Variants in TBR1 observed in about 807,000 individuals in gnomAD.
TBR1 encodes T-box brain protein 1.
A neutral mutation model predicts 60.3 loss-of-function variants in TBR1; 7 were observed. The ratio of observed to expected loss-of-function variants is 0.12; its 90% CI spans 0.07 to 0.22. The LOEUF (loss-of-function observed/expected upper bound fraction) is 0.22. TBR1 is among the 10% of genes least tolerant of loss of function. TBR1 has a pLI of 1.00. For synonymous variants in TBR1, 417 were observed against 409.9 expected (o/e 1.02, Z -0.21); for missense variants, 616 against 936.8 (o/e 0.66, Z 4.47).
In TBR1 at chr2:161,425,464, G is replaced by A. The variant is rs1276000595; in HGVS notation, c.*1237G>A. ...GAAACAGCTGAAATTTGACTTCCTTGGGAGAACACTAGCATTAATGCAAGT... is the reference window on the plus strand; with the variant it reads ...GAAACAGCTGAAATTTGACTTCCTTAGGAGAACACTAGCATTAATGCAAGT... On this transcript the variant is annotated 3_prime_UTR_variant, in exon 6 of 6. Transcript: ENST00000389554. 4 of 152,036 alleles carry A rather than the reference G, an allele frequency of 2.6e-5. No individual in the cohort carries two copies. Among genetic ancestry groups the A allele is most frequent in the Non-Finnish European group, 5.9e-5 (4 of 67,984 alleles). 9.4% of individuals were successfully genotyped at this position (152,036 alleles called of 1,614,324 possible). A position where few individuals can be genotyped will look rare whatever the true frequency, so the allele number is the denominator to read the frequency against.
rs1020402018 is a variant in TBR1 at position 161,423,591 on chromosome 2, G to T, written c.1413G>T (p.Gln471His). Residue 471 changes from glutamine (Q) to histidine (H), a missense_variant, in exon 6 of 6, where the codon CAG (glutamine) becomes CAT (histidine). This residue lies in a region of TBR1 where 80 missense variants were observed against 75.3 expected (regional missense o/e 1.06). Coordinates refer to ENST00000389554, the MANE Select transcript of TBR1 (RefSeq NM_006593.4). Reference sequence around the variant, plus strand: ...ACACCAACGGGCTGCTGTCGCCGCAGCAGGCCGAGGACCCGGGCGCGCCCT... The same window carrying T: ...ACACCAACGGGCTGCTGTCGCCGCATCAGGCCGAGGACCCGGGCGCGCCCT... ...VPHTNGLLSP[Q>H]QAEDPGAPSP... 1.0e-5 allele frequency: 16 copies of T among 1,537,732 alleles called. No homozygotes were observed. Among genetic ancestry groups the T allele is most frequent in the Non-Finnish European group, 1.4e-5 (16 of 1,148,282 alleles).
chr2:161,425,287 C>T lies in TBR1; in HGVS notation c.*1060C>T, dbSNP rs1439349314. 6.6e-6 allele frequency: 1 copy of T among 152,176 alleles called. No homozygotes were observed. The highest frequency in any genetic ancestry group is 1.9e-4 in the East Asian group (1 of 5,206). The allele number at this position is 152,176 out of a possible 1,614,324, so 9.4% of individuals were successfully genotyped here. A position where few individuals can be genotyped will look rare whatever the true frequency, so the allele number is the denominator to read the frequency against. ...TGAATATCTTTCAGTACCCCTTCAC[C>T]TTTATATGCTGTAAATCTTTGTAAT... On this transcript the variant is annotated 3_prime_UTR_variant, in exon 6 of 6. Transcript: ENST00000389554.
chr2:161,424,245 G>GGCCCC lies in TBR1; in HGVS notation c.*22_*26dup. ...ACAGCTAGGCCGCCCCTGCCCGCCC[G>GGCCCC]GCCCCGCCGCGGCCCGGACCCCCAG... is the stretch of plus-strand genomic sequence containing the variant. On this transcript the variant is annotated 3_prime_UTR_variant, in exon 6 of 6. Transcript: ENST00000389554. The surrounding 1 kb of genome is among the most constrained non-coding windows in gnomAD (Gnocchi z 4.4). 1 of 1,532,028 alleles carries GGCCCC rather than the reference G, an allele frequency of 6.5e-7. No individual in the cohort carries two copies. Among genetic ancestry groups the GGCCCC allele is most frequent in the African/African-American group, 1.4e-5 (1 of 73,272 alleles). 94.9% of individuals were successfully genotyped at this position (1,532,028 alleles called of 1,614,324 possible).
chr2:161,416,989 C>T lies in TBR1; in HGVS notation c.579C>T (p.Ser193=), dbSNP rs774585519. The change falls in exon 1 of 6, where the codon TCC becomes TCT. Residue 193 remains serine, a synonymous_variant. Transcript: ENST00000389554. The surrounding 1 kb of genome is among the most constrained non-coding windows in gnomAD (Gnocchi z 6.1). ...SYQGAPFYQF[S]STQPGLVPGK... ...AAGGAGCTCCGTTCTACCAGTTCTCCTCCACCCAGCCGGGGCTGGTGCCCG... is the reference window on the plus strand; with the variant it reads ...AAGGAGCTCCGTTCTACCAGTTCTCTTCCACCCAGCCGGGGCTGGTGCCCG... The T allele has an allele frequency of 3.7e-6, 6 of 1,614,214 alleles. No individual in the cohort carries two copies. The highest frequency in any genetic ancestry group is 1.7e-5 in the Admixed American group (1 of 60,032).
At chr2:161,418,833 C>A (rs1322846592) in intron 3 of TBR1, 59 bp from the exon 4 acceptor site, 14 of 1,575,932 alleles carry the variant, frequency 8.9e-6, no homozygotes, top group Non-Finnish European at 1.2e-5. Context: ...CACACAGCCA[C>A]GCGCACAGCG....
chr2:161,416,328 AG>A lies in TBR1; in HGVS notation c.-78del. On this transcript the variant is annotated 5_prime_UTR_variant, in exon 1 of 6. Coordinates refer to ENST00000389554, the MANE Select transcript of TBR1 (RefSeq NM_006593.4). This position sits in a 1 kb window ranked among gnomAD's most constrained non-coding sequence, Gnocchi z 6.1. ...TGGTTGAAGTGCTTTCTGTCTAGTG[AG>A]GGGGTCTGTGGATTTCTAGTTTATG... 9.0e-7 allele frequency: 1 copy of A among 1,115,900 alleles called. No homozygotes were observed. Among genetic ancestry groups the A allele is most frequent in the Non-Finnish European group, 1.3e-6 (1 of 777,280 alleles). 69.1% of individuals were successfully genotyped at this position (1,115,900 alleles called of 1,614,324 possible). A position where few individuals can be genotyped will look rare whatever the true frequency, so the allele number is the denominator to read the frequency against.
At chr2:161,419,179 CG>C (rs1414734085) in intron 4 of TBR1, 129 bp downstream of exon 4, 1 of 1,394,348 alleles carries the variant, frequency 7.2e-7, no homozygotes, top group African/African-American at 1.5e-5. Context: ...CTCCGCTGTG[CG>C]TTTTAAGGCT....
At chr2:161,421,089 A>C (rs1684224367) in intron 5 of TBR1, 1 of 152,292 alleles carries the variant, frequency 6.6e-6, no homozygotes, top group African/African-American at 2.4e-5. Flanking sequence ...CTCAGGGTCC[A>C]TAGTGCCTAA....
At chr2:161,421,196 GC>G (rs1244953611) in intron 5 of TBR1, 1 of 152,234 alleles carries the variant, frequency 6.6e-6, no homozygotes, top group African/African-American at 2.4e-5. Flanking sequence ...TAATTTCGTG[GC>G]TTACATTGAG....
rs202002010 is a variant in TBR1 at position 161,424,216 on chromosome 2, T to A, written c.2038T>A (p.Ser680Thr). ...KDISGYYGFY[S>T]HS is the part of the protein sequence containing the mutation. ...CATTAGCGGCTACTATGGCTTCTAC[T>A]CGCACAGCTAGGCCGCCCCTGCCCG... Residue 680 changes from serine (S) to threonine (T), a missense_variant, in exon 6 of 6, where the codon TCG (serine) becomes ACG (threonine). Around this residue, in one of 8 missense-constraint regions of TBR1, gnomAD observed 210 missense variants for 297.4 expected, o/e 0.71. Transcript: ENST00000389554. The surrounding 1 kb of genome is among the most constrained non-coding windows in gnomAD (Gnocchi z 4.4). 75 of 1,590,828 alleles carry A rather than the reference T, an allele frequency of 4.7e-5. No homozygotes were observed. The African/African-American group carries it at 8.5e-4, about 18-fold the overall frequency.
In TBR1 at chr2:161,417,566, GC is replaced by G. The variant is rs746460322; in HGVS notation, c.693-109del. The G allele has an allele frequency of 4.7e-5, 63 of 1,352,350 alleles. No individual in the cohort carries two copies. The highest frequency in any genetic ancestry group is 6.4e-5 in the Non-Finnish European group (63 of 988,482). 83.8% of individuals were successfully genotyped at this position (1,352,350 alleles called of 1,614,324 possible). On this transcript the variant is annotated intron_variant, in intron 1 of 5. Coordinates refer to ENST00000389554, the MANE Select transcript of TBR1 (RefSeq NM_006593.4). The surrounding 1 kb of genome is among the most constrained non-coding windows in gnomAD (Gnocchi z 5.3). ...TCCAGCAAATATTCGCCTATTTGCT[GC>G]AAGTACAAGTTTTGCTTTGCTAACT...
Position 161,423,770 on chromosome 2 carries a change from G to GCAC in TBR1, c.1593_1595dup (p.Thr532dup). ...GCGCTGCCGCTGCAGGCTGCAGGCT[G>GCAC]CACTGGCCGCCCGCTCGGCTACTAC... is the stretch of plus-strand genomic sequence containing the variant. On this transcript the variant is annotated inframe_insertion, in exon 6 of 6. Coordinates refer to ENST00000389554, the MANE Select transcript of TBR1 (RefSeq NM_006593.4). The GCAC allele has an allele frequency of 1.3e-6, 2 of 1,482,148 alleles. No individual in the cohort carries two copies. Among genetic ancestry groups the GCAC allele is most frequent in the Non-Finnish European group, 1.8e-6 (2 of 1,122,504 alleles). The allele number at this position is 1,482,148 out of a possible 1,614,324, so 91.8% of individuals were successfully genotyped here.
rs746152719 is a variant in TBR1, at chr2:161,416,400, G to A, written c.-11G>A. 1 of 1,574,458 alleles carries A rather than the reference G, an allele frequency of 6.4e-7. No homozygotes were observed. Among genetic ancestry groups the A allele is most frequent in the Non-Finnish European group, 8.6e-7 (1 of 1,161,598 alleles). On this transcript the variant is annotated 5_prime_UTR_variant, in exon 1 of 6. Coordinates refer to ENST00000389554, the MANE Select transcript of TBR1 (RefSeq NM_006593.4). This position sits in a 1 kb window ranked among gnomAD's most constrained non-coding sequence, Gnocchi z 6.1. ...CAGGGACGGGAGGGCGAGTGTTCAG[G>A]TTCTAGAGCTATGCAGCTGGAGCAC...
chr2:161,419,873 ATTTTTG>A (rs2105280265), intron 4 of TBR1: 1 of 172,018 alleles, frequency 5.8e-6, no homozygotes, highest in African/African-American at 2.4e-5. Context: ...CTCCTTAAAG[ATTTTTG>A]TCTGAACAAG....
At position 161,423,950 on chromosome 2, in the gene TBR1, C is replaced by A; in HGVS notation, c.1772C>A (p.Ala591Asp). 1 of 1,546,106 alleles carries A rather than the reference C, an allele frequency of 6.5e-7. No homozygotes were observed. Among genetic ancestry groups the A allele is most frequent in the Non-Finnish European group, 8.7e-7 (1 of 1,144,822 alleles). Residue 591 changes from alanine to aspartate, a missense_variant, in exon 6 of 6, where the codon GCC becomes GAC. Ala to Asp is a moderately radical substitution (Grantham distance 126, BLOSUM62 -2). Transcript: ENST00000389554. ...GGCGAGGAGGCCGAGGGCCTGGCCG[C>A]CGAGCGCTCGCCGCTGCCGCCCGGC... ...YLGEEAEGLAAERSPLPPGAA... is the reference protein window; with the variant it reads ...YLGEEAEGLADERSPLPPGAA...
In TBR1 at chr2:161,423,441, C is replaced by G. The variant is rs1174948177; in HGVS notation, c.1263C>G (p.Pro421=). The part of the protein sequence containing the change: ...PNDSPRSQIV[P]GARYAMAGSF... ...ACTCGCCGCGCTCGCAGATCGTGCCCGGGGCCCGCTACGCCATGGCCGGCT... is the reference window on the plus strand; with the variant it reads ...ACTCGCCGCGCTCGCAGATCGTGCCGGGGGCCCGCTACGCCATGGCCGGCT... The change falls in exon 6 of 6, where the codon CCC becomes CCG. Residue 421 remains proline (P), a synonymous_variant. Coordinates refer to ENST00000389554, the MANE Select transcript of TBR1 (RefSeq NM_006593.4). 6.2e-7 allele frequency: 1 copy of G among 1,603,394 alleles called. No homozygotes were observed. Among genetic ancestry groups the G allele is most frequent in the Non-Finnish European group, 8.5e-7 (1 of 1,175,554 alleles).
rs1404697744 is a variant in TBR1 at position 161,424,486 on chromosome 2, G to C, written c.*259G>C. ...TTTTCCTACTTACTCTTCTTCTGTG[G>C]AGTTATCCTCCTACAATTCCCCTCC... On this transcript the variant is annotated 3_prime_UTR_variant, in exon 6 of 6. Transcript: ENST00000389554. This position sits in a 1 kb window ranked among gnomAD's most constrained non-coding sequence, Gnocchi z 4.4. 2.3e-6 allele frequency: 1 copy of C among 438,072 alleles called. No individual in the cohort carries two copies. Among genetic ancestry groups the C allele is most frequent in the African/African-American group, 2.0e-5 (1 of 49,954 alleles). The allele number at this position is 438,072 out of a possible 1,614,324, so 27.1% of individuals were successfully genotyped here. A position where few individuals can be genotyped will look rare whatever the true frequency, so the allele number is the denominator to read the frequency against.
At position 161,423,522 on chromosome 2, in the gene TBR1, C is replaced by A. The variant is rs1037538517; in HGVS notation, c.1344C>A (p.Gly448=). ...SNYAKARFHP[G]AGAGPGPGTD... is the part of the protein sequence containing the mutation. ...ACGCCAAGGCCCGCTTCCACCCGGGCGCGGGCGCGGGCCCCGGGCCGGGTA... is the reference window on the plus strand; with the variant it reads ...ACGCCAAGGCCCGCTTCCACCCGGGAGCGGGCGCGGGCCCCGGGCCGGGTA... The change falls in exon 6 of 6, where the codon GGC becomes GGA. Residue 448 remains glycine (G), a synonymous_variant. Coordinates refer to ENST00000389554, the MANE Select transcript of TBR1 (RefSeq NM_006593.4). 6.3e-7 allele frequency: 1 copy of A among 1,579,522 alleles called. No individual in the cohort carries two copies. The highest frequency in any genetic ancestry group is 2.4e-5 in the East Asian group (1 of 41,124).
Position 161,420,069 on chromosome 2 carries a change from A to G in TBR1, c.1129-127A>G, listed in dbSNP as rs1028663836. On this transcript the variant is annotated intron_variant, in intron 4 of 5. Coordinates refer to ENST00000389554, the MANE Select transcript of TBR1 (RefSeq NM_006593.4). ...ACTCAATCCCTCAAATTTTTCAGTTAGGAAAACCTTGCTATTTAATAAATT... is the reference window on the plus strand; with the variant it reads ...ACTCAATCCCTCAAATTTTTCAGTTGGGAAAACCTTGCTATTTAATAAATT... The G allele has an allele frequency of 5.0e-6, 3 of 601,114 alleles. No homozygotes were observed. In the African/African-American group the frequency reaches 5.7e-5, roughly 11 times the overall value. The allele number at this position is 601,114 out of a possible 1,614,324, so 37.2% of individuals were successfully genotyped here.
Sources: gnomAD v4.1 joint callset for allele counts on GRCh38, gnomAD v4.1.1 for gene constraint, gnomAD v4.1.1 regional missense constraint, Gnocchi (gnomAD v3.1) non-coding constraint, MANE v1.5 for transcripts, NCBI Gene and HGNC (gene_info 2026-07-23, HGNC 2026-07-21) for gene names.